Variants in NEGR1 observed in about 807,000 individuals in gnomAD.
NEGR1 encodes IgLON family member 4.
In NEGR1, 10 loss-of-function variants were observed where a neutral mutation model predicts 40.9. That is an observed-to-expected ratio of 0.24 (90% CI 0.15 to 0.42). The LOEUF (loss-of-function observed/expected upper bound fraction) is 0.42. Ranked by LOEUF, NEGR1 falls within the 10% of genes least tolerant of loss-of-function variation. NEGR1 has a pLI of 1.00. For synonymous variants in NEGR1, 185 were observed against 166.8 expected, an observed-to-expected ratio of 1.11 and a Z score of -0.84; for missense variants, 352 against 438.9, an observed-to-expected ratio of 0.80 and a Z score of 1.77.
intron 6 of NEGR1, among the ~76,000 whole-genome samples, chr1:71,565,507 T>C (rs1648590801): frequency 6.6e-6 from 1 of 152,158 alleles, no homozygotes; most frequent in Non-Finnish European, 1.5e-5. Flanking sequence ...GGTGTTGGTC[T>C]CTCTGCAGAG....
At chr1:71,831,375 T>C (rs1216024085) in intron 2 of NEGR1, among the ~76,000 whole-genome samples, 1 of 151,946 alleles carries the variant, frequency 6.6e-6, no homozygotes, top group Non-Finnish European at 1.5e-5. Flanking sequence ...AAAGCTACCC[T>C]AGTTTGGGGT....
chr1:72,023,084 A>G (rs1646775235), intron 1 of NEGR1, among the ~76,000 whole-genome samples: 1 of 152,126 alleles, frequency 6.6e-6, no homozygotes, highest in South Asian at 2.1e-4. Context: ...GCATGTATCC[A>G]ACTCATCTCA....
intron 1 of NEGR1, among the ~76,000 whole-genome samples, chr1:71,976,096 T>C (rs1646301545): frequency 6.6e-6 from 1 of 152,246 alleles, no homozygotes; most frequent in Admixed American, 6.5e-5. Flanking sequence ...TAATCACATT[T>C]ATTTATTATC....
chr1:71,993,483 T>C (rs1278124814), intron 1 of NEGR1, among the ~76,000 whole-genome samples: 1 of 152,102 alleles, frequency 6.6e-6, no homozygotes, highest in Non-Finnish European at 1.5e-5. Flanking sequence ...ATTTACTCGT[T>C]AAAATAATGG....
chr1:71,428,742 TGG>T (rs112388207), intron 6 of NEGR1, among the ~76,000 whole-genome samples: 46 of 151,534 alleles, frequency 3.0e-4, no homozygotes, highest in African/African-American at 9.4e-4. Context: ...ATTGTATAAA[TGG>T]GGAAAACTGA....
intron 1 of NEGR1, among the ~76,000 whole-genome samples, chr1:72,127,771 T>C (rs1207724333): frequency 1.3e-5 from 2 of 152,098 alleles, no homozygotes; most frequent in Non-Finnish European, 2.9e-5. Context: ...ATAAATGGAC[T>C]CACAATGGTT....
chr1:71,802,047 T>C (rs1209168480), intron 2 of NEGR1, among the ~76,000 whole-genome samples: 2 of 152,184 alleles, frequency 1.3e-5, no homozygotes, highest in Non-Finnish European at 2.9e-5. Context: ...AATACTTGGC[T>C]GAATTGTGTT....
chr1:72,057,304 T>G (rs2100487255), intron 1 of NEGR1, among the ~76,000 whole-genome samples: 1 of 151,642 alleles, frequency 6.6e-6, no homozygotes, highest in East Asian at 1.9e-4. Flanking sequence ...AAATCCAAAC[T>G]TAATTTTTTT....
At chr1:71,560,982 T>A (rs1001615012) in intron 6 of NEGR1, among the ~76,000 whole-genome samples, 2 of 151,612 alleles carry the variant, frequency 1.3e-5, no homozygotes, top group Non-Finnish European at 3.0e-5. Flanking sequence ...ACAAGTTATT[T>A]CATGTTTCCG....
chr1:71,432,054 A>C (rs1055860880), intron 6 of NEGR1, among the ~76,000 whole-genome samples: 1 of 152,136 alleles, frequency 6.6e-6, no homozygotes, highest in Admixed American at 6.5e-5. Context: ...GTAAGAGATG[A>C]TGTCGTAGAT....
At chr1:72,230,490 C>T (rs946881299) in intron 1 of NEGR1, among the ~76,000 whole-genome samples, 3 of 152,022 alleles carry the variant, frequency 2.0e-5, no homozygotes, top group Admixed American at 6.6e-5. Flanking sequence ...TCAAATTATG[C>T]TGTTCCTCAT....
chr1:72,154,122 T>A (rs1651267646), intron 1 of NEGR1, among the ~76,000 whole-genome samples: 1 of 151,722 alleles, frequency 6.6e-6, no homozygotes, highest in Admixed American at 6.6e-5. Context: ...GAGAGACAAT[T>A]GTTTTGTGAA....
intron 1 of NEGR1, among the ~76,000 whole-genome samples, chr1:72,037,003 G>C (rs1353110544): frequency 6.6e-6 from 1 of 152,028 alleles, no homozygotes; most frequent in African/African-American, 2.4e-5. Context: ...AAGTATCTTA[G>C]ACACTTGTCA....
intron 3 of NEGR1, among the ~76,000 whole-genome samples, chr1:71,713,876 A>T (rs1259350950): frequency 6.6e-6 from 1 of 152,242 alleles, no homozygotes; most frequent in Admixed American, 6.5e-5. Context: ...AACAATATAG[A>T]TAAACAAGTG....
At chr1:72,096,750 T>C (rs1431534773) in intron 1 of NEGR1, among the ~76,000 whole-genome samples, 5 of 152,084 alleles carry the variant, frequency 3.3e-5, no homozygotes, top group African/African-American at 1.2e-4. Context: ...CAGCTCCACC[T>C]CCCGGGTTCA....
chr1:71,611,695 A>T (rs572397694), intron 4 of NEGR1, among the ~76,000 whole-genome samples: 1 of 152,234 alleles, frequency 6.6e-6, no homozygotes, highest in Admixed American at 6.5e-5. Context: ...GGGCTCTTGA[A>T]ATATTCTGTG....
At chr1:71,739,213 AAAAAC>A (rs1557634059) in intron 3 of NEGR1, among the ~76,000 whole-genome samples, 13 of 150,702 alleles carry the variant, frequency 8.6e-5, no homozygotes, top group African/African-American at 2.9e-4. Context: ...AAAAAAAAAA[AAAAAC>A]AAAAAAAAAA....
At chr1:71,982,904 G>C (rs879938521) in intron 1 of NEGR1, among the ~76,000 whole-genome samples, 1 of 152,060 alleles carries the variant, frequency 6.6e-6, no homozygotes, top group Non-Finnish European at 1.5e-5. Context: ...CCTTTTATCA[G>C]TACACATGGA....
chr1:72,252,319 C>T (rs1355164467), intron 1 of NEGR1, among the ~76,000 whole-genome samples: 1 of 152,158 alleles, frequency 6.6e-6, no homozygotes, highest in African/African-American at 2.4e-5. Context: ...GCTAGGATTA[C>T]AGGCATGAGC....
Sources: allele counts gnomAD v4.1 joint callset (sites outside exome capture counted in the v4.1 genomes callset), GRCh38; gene constraint gnomAD v4.1.1; transcripts MANE v1.5; gene names NCBI Gene and HGNC (gene_info 2026-07-23, HGNC 2026-07-21).